Variants in CDK3 observed in about 807,000 individuals in gnomAD.
The protein encoded by CDK3 is cyclin dependent kinase 3, also known as cyclin-dependent kinase 3.
In CDK3, 24 loss-of-function variants were observed where a neutral mutation model predicts 30.2. The observed-to-expected ratio is 0.79, with a 90% CI of 0.57 to 1.12. CDK3 has a LOEUF of 1.12. Among genes scored for constraint, CDK3 ranks in the 50% most tolerant of loss-of-function variants. The pLI, the probability that CDK3 is intolerant of heterozygous loss-of-function variation, is 0.00. For synonymous variants in CDK3, 158 were observed against 154.2 expected (o/e 1.02, Z -0.18); for missense variants, 345 against 376.0 (o/e 0.92, Z 0.68).
chr17:76,003,889 C>G (rs981401607), intron 7 of CDK3, among the ~76,000 whole-genome samples: 8 of 151,774 alleles, frequency 5.3e-5, no homozygotes, highest in African/African-American at 1.7e-4. Flanking sequence ...ACTACAGGTG[C>G]CTGCCACCAC....
At chr17:76,004,322 G>T (rs2066291493) in intron 7 of CDK3, among the ~76,000 whole-genome samples, 1 of 146,256 alleles carries the variant, frequency 6.8e-6, no homozygotes, top group African/African-American at 2.6e-5. Flanking sequence ...AGGCACAAGC[G>T]ATCCTCCCAT....
At position 76,005,454 on chromosome 17, in the gene CDK3, C is replaced by T. The variant is rs776970360; in HGVS notation, c.*31C>T. 25 of 1,596,352 alleles carry T rather than the reference C, an allele frequency of 1.6e-5. No individual in the cohort carries two copies. The East Asian group carries it at 2.7e-4, about 17-fold the overall frequency. On this transcript the variant is annotated 3_prime_UTR_variant, in exon 8 of 8. Transcript: ENST00000448471. This position sits in a 1 kb window ranked among gnomAD's most constrained non-coding sequence, Gnocchi z 4.7. ...TCAAGGCCACACTCAGATCCTTTCT[C>T]GAGCAGCTGCTGCCCCAGCTGCCTC...
Position 76,002,216 on chromosome 17 carries a change from C to T in CDK3, c.316-32C>T, listed in dbSNP as rs1453868283. 6.2e-7 allele frequency: 1 copy of T among 1,612,482 alleles called. No homozygotes were observed. The highest frequency in any genetic ancestry group is 1.7e-5 in the Admixed American group (1 of 59,940). Reference sequence around the variant, plus strand: ...TCCCTGTCCACGCAGCACCTCCGCTCAGCTGGCTGCACCTCGCGCTCGTTT... The same window carrying T: ...TCCCTGTCCACGCAGCACCTCCGCTTAGCTGGCTGCACCTCGCGCTCGTTT... On this transcript the variant is annotated intron_variant, in intron 4 of 7. Coordinates refer to ENST00000448471, the MANE Select transcript of CDK3 (RefSeq NM_001258.4). The surrounding 1 kb of genome is among the most constrained non-coding windows in gnomAD (Gnocchi z 4.3).
In CDK3 at chr17:76,005,388, GC is replaced by G; in HGVS notation, c.886del (p.Arg296AlafsTer45). The G allele has an allele frequency of 1.2e-6, 2 of 1,614,064 alleles. No homozygotes were observed. The highest frequency in any genetic ancestry group is 1.7e-6 in the Non-Finnish European group (2 of 1,179,970). On this transcript the variant is annotated frameshift_variant, in exon 8 of 8. Coordinates refer to ENST00000448471, the MANE Select transcript of CDK3 (RefSeq NM_001258.4). LOFTEE classifies it high-confidence loss of function. The surrounding 1 kb of genome is among the most constrained non-coding windows in gnomAD (Gnocchi z 4.7). Reference sequence around the variant, plus strand: ...CTCATCCCCTGAGCCCTCCCCAGCTGCCCGCCAGTATGTGCTGCAGCGATTC... The same window carrying G: ...CTCATCCCCTGAGCCCTCCCCAGCTGCCGCCAGTATGTGCTGCAGCGATTC... ...YFSSPEPSPA[A>X]RQYVLQRFRH
Position 76,005,743 on chromosome 17 carries a change from T to G in CDK3, c.*320T>G, listed in dbSNP as rs2066308040. On this transcript the variant is annotated 3_prime_UTR_variant, in exon 8 of 8. Transcript: ENST00000448471. The surrounding 1 kb of genome is among the most constrained non-coding windows in gnomAD (Gnocchi z 4.7). Reference sequence around the variant, plus strand: ...TGGGTATTCAGGCCCTCACCTGCCCTGCCTGCAGGGCCAGACCCTGAGGAA... The same window carrying G: ...TGGGTATTCAGGCCCTCACCTGCCCGGCCTGCAGGGCCAGACCCTGAGGAA... 7.7e-6 allele frequency: 2 copies of G among 260,610 alleles called. No individual in the cohort carries two copies. The highest frequency in any genetic ancestry group is 5.1e-5 in the Admixed American group (1 of 19,676). The allele number at this position is 260,610 out of a possible 1,614,324, so 16.1% of individuals were successfully genotyped here.
rs751010139 is a variant in CDK3, at chr17:76,002,233, C to T, written c.316-15C>T. On this transcript the variant is annotated splice_polypyrimidine_tract_variant and intron_variant, in intron 4 of 7. Transcript: ENST00000448471. This position sits in a 1 kb window ranked among gnomAD's most constrained non-coding sequence, Gnocchi z 4.3. ...CCTCCGCTCAGCTGGCTGCACCTCGCGCTCGTTTCTCCAGAGCTACCTCTT... is the reference window on the plus strand; with the variant it reads ...CCTCCGCTCAGCTGGCTGCACCTCGTGCTCGTTTCTCCAGAGCTACCTCTT... 14 of 1,612,106 alleles carry T rather than the reference C, an allele frequency of 8.7e-6. No individual in the cohort carries two copies. Among genetic ancestry groups the T allele is most frequent in the Admixed American group, 3.3e-5 (2 of 59,970 alleles).
chr17:76,001,916 G>A lies in CDK3; in HGVS notation c.159G>A (p.Ser53=), dbSNP rs773510637. The change falls in exon 3 of 8, where the codon TCG becomes TCA. Residue 53 remains serine, a synonymous_variant. Coordinates refer to ENST00000448471, the MANE Select transcript of CDK3 (RefSeq NM_001258.4). This position sits in a 1 kb window ranked among gnomAD's most constrained non-coding sequence, Gnocchi z 6.2. ...GVPSTAIREI[S]LLKELKHPNI... ...CAAGCACTGCCATCAGGGAGATCTC[G>A]CTGCTCAAGGAACTGAAGCACCCCA... The A allele has an allele frequency of 1.2e-5, 19 of 1,613,594 alleles. No individual in the cohort carries two copies. The highest frequency in any genetic ancestry group is 2.2e-5 in the South Asian group (2 of 91,074).
Position 76,001,909 on chromosome 17 carries a change from A to G in CDK3, c.152A>G (p.Glu51Gly). 6.2e-7 allele frequency: 1 copy of G among 1,613,720 alleles called. No homozygotes were observed. The highest frequency in any genetic ancestry group is 8.5e-7 in the Non-Finnish European group (1 of 1,179,734). ...MEGVPSTAIR[E>G]ISLLKELKHP... ...GGGGTCCCAAGCACTGCCATCAGGG[A>G]GATCTCGCTGCTCAAGGAACTGAAG... Residue 51 changes from glutamate to glycine, a missense_variant, in exon 3 of 8, where the codon GAG becomes GGG. Physicochemically the swap from Glu to Gly is moderately conservative, Grantham distance 98. Transcript: ENST00000448471. This position sits in a 1 kb window ranked among gnomAD's most constrained non-coding sequence, Gnocchi z 6.2.
intron 7 of CDK3, among the ~76,000 whole-genome samples, chr17:76,004,236 T>TTTTTTTTTA (rs1598223869): frequency 6.7e-6 from 1 of 148,594 alleles, no homozygotes; most frequent in Non-Finnish European, 1.5e-5. Flanking sequence ...TTTTTTTTTT[T>TTTTTTTTTA]GAGACAGGGT....
In CDK3 at chr17:76,002,670, G is replaced by T; in HGVS notation, c.588+58G>T. On this transcript the variant is annotated intron_variant, in intron 6 of 7. Transcript: ENST00000448471. The surrounding 1 kb of genome is among the most constrained non-coding windows in gnomAD (Gnocchi z 4.3). Reference sequence around the variant, plus strand: ...CCACAGGCAGGGTCCTACTGGGGTTGGGTGGGGTCCACTGATGCTCCCATT... The same window carrying T: ...CCACAGGCAGGGTCCTACTGGGGTTTGGTGGGGTCCACTGATGCTCCCATT... 1 of 775,706 alleles carries T rather than the reference G, an allele frequency of 1.3e-6. No homozygotes were observed. The allele number at this position is 775,706 out of a possible 1,614,324, so 48.1% of individuals were successfully genotyped here. A position where few individuals can be genotyped will look rare whatever the true frequency, so the allele number is the denominator to read the frequency against.
rs2066265851 is a variant in CDK3 at position 76,002,164 on chromosome 17, A to G, written c.315+22A>G. On this transcript the variant is annotated intron_variant, in intron 4 of 7. Transcript: ENST00000448471. This position sits in a 1 kb window ranked among gnomAD's most constrained non-coding sequence, Gnocchi z 4.3. The stretch of plus-strand genomic sequence containing the variant: ...CAAGGTAGGGAAGGAAGGGCAGGGA[A>G]GGAGAGGTGACACCCCATCCCTGCC... 2 of 1,613,458 alleles carry G rather than the reference A, an allele frequency of 1.2e-6. No individual in the cohort carries two copies. The highest frequency in any genetic ancestry group is 1.7e-6 in the Non-Finnish European group (2 of 1,179,742).
rs1001185304 is a variant in CDK3, at chr17:76,001,695, G to A, written c.116+154G>A. The stretch of plus-strand genomic sequence containing the variant: ...TCCTCTCCCCAGTTCACTGCCTTCT[G>A]ACCAGCCTTTGCCGGGGCCCTGACT... On this transcript the variant is annotated intron_variant, in intron 2 of 7. Coordinates refer to ENST00000448471, the MANE Select transcript of CDK3 (RefSeq NM_001258.4). The surrounding 1 kb of genome is among the most constrained non-coding windows in gnomAD (Gnocchi z 6.2). The A allele has an allele frequency of 1.1e-6, 1 of 890,650 alleles. No homozygotes were observed. Among genetic ancestry groups the A allele is most frequent in the Non-Finnish European group, 1.7e-6 (1 of 585,402 alleles). The allele number at this position is 890,650 out of a possible 1,614,324, so 55.2% of individuals were successfully genotyped here. A position where few individuals can be genotyped will look rare whatever the true frequency, so the allele number is the denominator to read the frequency against.
In CDK3 at chr17:76,001,887, G is replaced by T; in HGVS notation, c.130G>T (p.Val44Phe). ...TGTTTCTTGCAGGGAGATGGAGGGG[G>T]TCCCAAGCACTGCCATCAGGGAGAT... ...KIRLDLEMEG[V>F]PSTAIREISL... is the part of the protein sequence containing the mutation. Residue 44 changes from valine (V) to phenylalanine (F), a missense_variant, in exon 3 of 8, where the codon GTC becomes TTC. Coordinates refer to ENST00000448471, the MANE Select transcript of CDK3 (RefSeq NM_001258.4). The surrounding 1 kb of genome is among the most constrained non-coding windows in gnomAD (Gnocchi z 6.2). The T allele has an allele frequency of 6.2e-7, 1 of 1,613,348 alleles. No individual in the cohort carries two copies.
chr17:76,004,788 G>A (rs891874830), intron 7 of CDK3: 1 of 156,010 alleles, frequency 6.4e-6, no homozygotes, highest in Non-Finnish European at 1.4e-5. Context: ...TGTGTGTTGT[G>A]TACCCGCCCA....
chr17:76,003,124 C>A, intron 6 of CDK3, 71 bp from the exon 7 acceptor site: 1 of 1,307,446 alleles, frequency 7.6e-7, no homozygotes, highest in Non-Finnish European at 1.1e-6. Context: ...CTGGGTCTGG[C>A]CACTTATCTG....
rs17880945 is a variant in CDK3 at position 76,001,987 on chromosome 17, C to T, written c.195-35C>T. On this transcript the variant is annotated intron_variant, in intron 3 of 7. Transcript: ENST00000448471. This position sits in a 1 kb window ranked among gnomAD's most constrained non-coding sequence, Gnocchi z 6.2. ...GATTGAGGTGGGGAAGCTGGGATGG[C>T]GAAGGTAGCATCCTGACTGCCATCT... 3.0e-3 allele frequency: 4,809 copies of T among 1,613,820 alleles called. 7 individuals are homozygous for T. The highest frequency in any genetic ancestry group is 3.8e-3 in the Non-Finnish European group (4,467 of 1,179,860).
Position 76,003,385 on chromosome 17 carries a change from G to T in CDK3, c.779G>T (p.Arg260Met). Residue 260 changes from arginine to methionine, a missense_variant, in exon 7 of 8, where the codon AGG becomes ATG. Transcript: ENST00000448471. Reference protein sequence around the residue: ...EIVPNLEPEGRDLLMQLLQYD... With the variant: ...EIVPNLEPEGMDLLMQLLQYD... ...GTGCCCAATCTGGAGCCAGAGGGCA[G>T]GGACCTGCTCATGGTAGGTGCATGT... The T allele has an allele frequency of 6.2e-7, 1 of 1,613,286 alleles. No individual in the cohort carries two copies. The highest frequency in any genetic ancestry group is 1.1e-5 in the South Asian group (1 of 91,036).
Position 76,005,416 on chromosome 17 carries a change from GC to G in CDK3, c.913del (p.His305IlefsTer36). On this transcript the variant is annotated frameshift_variant, in exon 8 of 8. Coordinates refer to ENST00000448471, the MANE Select transcript of CDK3 (RefSeq NM_001258.4). LOFTEE classifies it high-confidence loss of function. This position sits in a 1 kb window ranked among gnomAD's most constrained non-coding sequence, Gnocchi z 4.7. ...CGCCAGTATGTGCTGCAGCGATTCC[GC>G]CATTGAGAATGTCAAGGCCACACTC... ...AARQYVLQRF[R>X]H The G allele has an allele frequency of 6.2e-7, 1 of 1,612,768 alleles. No homozygotes were observed. The highest frequency in any genetic ancestry group is 8.5e-7 in the Non-Finnish European group (1 of 1,179,236).
rs1464015458 is a variant in CDK3, at chr17:76,001,452, G to T, written c.27G>T (p.Lys9Asn). The T allele has an allele frequency of 6.2e-7, 1 of 1,614,136 alleles. No homozygotes were observed. Among genetic ancestry groups the T allele is most frequent in the South Asian group, 1.1e-5 (1 of 91,086 alleles). Residue 9 changes from lysine to asparagine, a missense_variant, in exon 2 of 8, where the codon AAG becomes AAT. Physicochemically the swap from Lys to Asn is moderately conservative, Grantham distance 94 (BLOSUM62 0). Transcript: ENST00000448471. This position sits in a 1 kb window ranked among gnomAD's most constrained non-coding sequence, Gnocchi z 6.2. MDMFQKVE[K>N]IGEGTYGVVY... ...TGGATATGTTCCAGAAGGTAGAGAA[G>T]ATCGGAGAGGGCACCTATGGGGTGG...
Sources: gnomAD v4.1 joint callset for allele counts (sites outside exome capture counted in the v4.1 genomes callset) on GRCh38, gnomAD v4.1.1 for gene constraint, Gnocchi (gnomAD v3.1) non-coding constraint, MANE v1.5 for transcripts, NCBI Gene and HGNC (gene_info 2026-07-23, HGNC 2026-07-21) for gene names.